NFATC3: variants seen among roughly 807,000 people sequenced by gnomAD.
NFATC3 encodes the protein nuclear factor of activated T-cells, cytoplasmic 3.
Under a neutral mutation model 98.6 loss-of-function variants are expected in NFATC3, and 46 were observed. The ratio of observed to expected loss-of-function variants is 0.47; its 90% CI spans 0.37 to 0.60. The LOEUF is 0.60. Ranked by LOEUF, NFATC3 falls within the 20% of genes least tolerant of loss-of-function variation. The pLI is 0.00. For synonymous variants in NFATC3, 512 were observed against 472.2 expected, an observed-to-expected ratio of 1.08 and a Z score of -1.09; for missense variants, 1,256 against 1,295.5, an observed-to-expected ratio of 0.97 and a Z score of 0.47.
At chr16:68,176,070 C>T (rs1289595939) in intron 6 of NFATC3, among the ~76,000 whole-genome samples, 2 of 150,344 alleles carry the variant, frequency 1.3e-5, no homozygotes, top group African/African-American at 2.4e-5. Flanking sequence ...CCTCCACCTC[C>T]GTGTTCAAGC....
rs1181498681 is a variant in NFATC3 at position 68,228,653 on chromosome 16, A to AT, written c.*2188dup. The AT allele has an allele frequency of 1.3e-5, 2 of 152,616 alleles. No individual in the cohort carries two copies. The highest frequency in any genetic ancestry group is 4.1e-4 in the South Asian group (2 of 4,836). 9.5% of individuals were successfully genotyped at this position (152,616 alleles called of 1,614,324 possible). On this transcript the variant is annotated 3_prime_UTR_variant, in exon 10 of 10. Transcript: ENST00000346183. ...AAAAGCTTTGGTGTTAAGAGTCAAT[A>AT]TTTTTTGGCTTTGTAGATAAAGACT...
At chr16:68,166,244 T>G (rs1210943046) in intron 4 of NFATC3, among the ~76,000 whole-genome samples, 1 of 152,214 alleles carries the variant, frequency 6.6e-6, no homozygotes, top group Non-Finnish European at 1.5e-5. Flanking sequence ...GCATGATTCT[T>G]TGGGTTGACT....
intron 9 of NFATC3, among the ~76,000 whole-genome samples, chr16:68,222,763 C>T (rs1213190304): frequency 6.6e-6 from 1 of 152,086 alleles, no homozygotes; most frequent in East Asian, 1.9e-4. Flanking sequence ...AGGTTCTTGC[C>T]TTTTGGGAGT....
intron 3 of NFATC3, among the ~76,000 whole-genome samples, chr16:68,143,128 A>G (rs988022288): frequency 2.0e-5 from 3 of 150,886 alleles, no homozygotes; most frequent in Non-Finnish European, 4.4e-5. Flanking sequence ...AGTCTCAGCT[A>G]CTTGGGAGGA....
Position 68,162,589 on chromosome 16 carries a change from CT to C in NFATC3, c.1602-4238del, listed in dbSNP as rs1203578990. On this transcript the variant is annotated intron_variant, in intron 4 of 9. Coordinates refer to ENST00000346183, the MANE Select transcript of NFATC3 (RefSeq NM_173165.3). ...GGCTTGGTTATTTCAAGCCTAAACT[CT>C]TTTTTTTTTTTTTTTAAACATCTCA... 7.0e-3 allele frequency among the ~76,000 whole-genome samples: 976 copies of C among 138,820 alleles called. 1 individual carries two copies. Among genetic ancestry groups the C allele is most frequent in the Non-Finnish European group, 1.0e-2 (634 of 63,452 alleles). The allele number at this position is 138,820 out of a possible 152,430, so 91.1% of individuals were successfully genotyped here.
chr16:68,165,702 T>C (rs1204001507), intron 4 of NFATC3, among the ~76,000 whole-genome samples: 2 of 152,166 alleles, frequency 1.3e-5, no homozygotes, highest in Non-Finnish European at 2.9e-5. Context: ...GGCCGGTTCT[T>C]GTCTTGCTAT....
intron 4 of NFATC3, among the ~76,000 whole-genome samples, chr16:68,158,625 C>T (rs2038732200): frequency 6.6e-6 from 1 of 152,100 alleles, no homozygotes; most frequent in Admixed American, 6.6e-5. Context: ...TTAGGGCTAG[C>T]ACAGTAGCTG....
chr16:68,218,901 A>G (rs1210963593), intron 9 of NFATC3, among the ~76,000 whole-genome samples: 1 of 151,430 alleles, frequency 6.6e-6, no homozygotes, highest in African/African-American at 2.4e-5. Flanking sequence ...AATTGCATAC[A>G]TGTAGGCTTC....
At chr16:68,222,289 C>CCAAAAAAAAAA (rs1372339245) in intron 9 of NFATC3, among the ~76,000 whole-genome samples, 6 of 26,402 alleles carry the variant, frequency 2.3e-4, no homozygotes, top group African/African-American at 5.6e-4. Flanking sequence ...ACCCCATTGC[C>CCAAAAAAAAAA]AAAAAAAAAA....
intron 1 of NFATC3, among the ~76,000 whole-genome samples, chr16:68,095,348 T>TC (rs1318010779): frequency 1.6e-4 from 11 of 69,858 alleles, no homozygotes; most frequent in Non-Finnish European, 3.0e-4. Context: ...GCCCAGCTAA[T>TC]TTTTTTTTTT....
chr16:68,122,949 G>A lies in NFATC3; in HGVS notation c.1066G>A (p.Glu356Lys). 4 of 1,614,184 alleles carry A rather than the reference G, an allele frequency of 2.5e-6. No individual in the cohort carries two copies. The highest frequency in any genetic ancestry group is 2.5e-6 in the Non-Finnish European group (3 of 1,180,042). Residue 356 changes from glutamate to lysine, a missense_variant, in exon 2 of 10, where the codon GAG becomes AAG. Physicochemically the swap from Glu to Lys is moderately conservative, Grantham distance 56. Around this residue, in one of 3 missense-constraint regions of NFATC3, gnomAD observed 464 missense variants for 465.7 expected, o/e 1.00. Transcript: ENST00000346183. ...DQAAILPGKL[E>K]LCSDDQGSLS... ...AGCTGCCATACTACCAGGAAAATTA[G>A]AGCTGTGTTCAGATGACCAAGGGAG...
intron 1 of NFATC3, among the ~76,000 whole-genome samples, chr16:68,116,785 T>A (rs747009416): frequency 6.6e-6 from 1 of 152,074 alleles, no homozygotes; most frequent in African/African-American, 2.4e-5. Context: ...TGTAAAATCT[T>A]CTATGGGTGA....
intron 8 of NFATC3, 30 bp downstream of exon 8, chr16:68,183,396 A>C: frequency 6.2e-7 from 1 of 1,604,358 alleles, no homozygotes; most frequent in East Asian, 2.2e-5. Flanking sequence ...TTTACTATAG[A>C]GCTTTCTTTC....
intron 2 of NFATC3, 34 bp downstream of exon 2, chr16:68,123,155 C>T: frequency 1.9e-6 from 3 of 1,565,440 alleles, no homozygotes; most frequent in Non-Finnish European, 2.6e-6. Flanking sequence ...GGTCATTTTT[C>T]ATGTTTATGG....
intron 3 of NFATC3, among the ~76,000 whole-genome samples, chr16:68,128,778 A>G (rs1402169862): frequency 6.6e-6 from 1 of 152,042 alleles, no homozygotes; most frequent in African/African-American, 2.4e-5. Context: ...TGTGGCTGTA[A>G]ATAGCCACTG....
chr16:68,097,545 G>T (rs1275631828), intron 1 of NFATC3, among the ~76,000 whole-genome samples: 2 of 152,188 alleles, frequency 1.3e-5, no homozygotes, highest in African/African-American at 2.4e-5. Context: ...CTGCAACAGA[G>T]TGTGGATTAT....
intron 9 of NFATC3, 62 bp downstream of exon 9, chr16:68,191,837 T>G (rs1255962714): frequency 6.4e-7 from 1 of 1,571,098 alleles, no homozygotes; most frequent in Non-Finnish European, 8.7e-7. Context: ...TTCTCCCAAG[T>G]GTCATGAAAA....
At chr16:68,158,456 C>G (rs1387635472) in intron 4 of NFATC3, among the ~76,000 whole-genome samples, 1 of 152,064 alleles carries the variant, frequency 6.6e-6, no homozygotes, top group Non-Finnish European at 1.5e-5. Flanking sequence ...GACCCATTTC[C>G]AAATAAGATG....
intron 7 of NFATC3, among the ~76,000 whole-genome samples, chr16:68,181,979 G>A (rs1232882390): frequency 6.6e-6 from 1 of 152,080 alleles, no homozygotes; most frequent in Non-Finnish European, 1.5e-5. Flanking sequence ...TAGTATTAAA[G>A]TAAATTAAAT....
Sources: gnomAD v4.1 joint callset for allele counts (sites outside exome capture counted in the v4.1 genomes callset) on GRCh38, gnomAD v4.1.1 for gene constraint, gnomAD v4.1.1 regional missense constraint, MANE v1.5 for transcripts, NCBI Gene and HGNC (gene_info 2026-07-23, HGNC 2026-07-21) for gene names.